ULK4: variants seen among roughly 807,000 people sequenced by gnomAD.
The protein encoded by ULK4 is inactive serine/threonine-protein kinase ULK4.
A neutral mutation model predicts 160.6 loss-of-function variants in ULK4; 133 were observed. The ratio of observed to expected loss-of-function variants is 0.83; its 90% CI spans 0.72 to 0.96. ULK4 has a LOEUF of 0.96. Among genes scored for constraint, ULK4 ranks in the 40% least tolerant of loss-of-function variants. The probability of loss-of-function intolerance (pLI) is 0.00; values close to 1 mark genes in which losing one functional copy is unlikely to be tolerated. For synonymous variants in ULK4, 534 were observed against 539.8 expected (o/e 0.99, Z 0.15); for missense variants, 1,580 against 1,499.5 (o/e 1.05, Z -0.89).
At chr3:41,779,888 T>C (rs2039763103) in intron 21 of ULK4, among the ~76,000 whole-genome samples, 2 of 86,704 alleles carry the variant, frequency 2.3e-5, no homozygotes, top group African/African-American at 4.9e-5. Context: ...TAATGCTAGA[T>C]GACACATTAG....
chr3:41,807,296 G>A (rs1334449763), intron 19 of ULK4, among the ~76,000 whole-genome samples: 1 of 152,072 alleles, frequency 6.6e-6, no homozygotes, highest in Non-Finnish European at 1.5e-5. Context: ...ATAATACTCT[G>A]TTAATGATGA....
rs1354576442 is a variant in ULK4, at chr3:41,514,872, T to C, written c.3226+51153A>G. On this transcript the variant is annotated intron_variant, in intron 32 of 36. Transcript: ENST00000301831. ...CTTAAAAGCCCTTACTTGACCACTA[T>C]ACAATCTATGCATGTTTACCCCCAA... 2.0e-5 allele frequency among the ~76,000 whole-genome samples: 3 copies of C among 152,138 alleles called. No individual in the cohort carries two copies. In the East Asian group the frequency reaches 5.8e-4, roughly 29 times the overall value.
intron 30 of ULK4, among the ~76,000 whole-genome samples, chr3:41,634,618 C>T (rs529224674): frequency 9.2e-5 from 14 of 152,286 alleles, no homozygotes; most frequent in Admixed American, 7.2e-4. Flanking sequence ...AGCAAGAAAG[C>T]GGGAGCCCAT....
intron 35 of ULK4, among the ~76,000 whole-genome samples, chr3:41,337,177 T>C (rs973927976): frequency 1.3e-5 from 2 of 152,354 alleles, no homozygotes; most frequent in African/African-American, 4.8e-5. Context: ...CAAATTATGA[T>C]GATTGCATTT....
rs190179857 is a variant in ULK4, at chr3:41,549,411, C to T, written c.3226+16614G>A. On this transcript the variant is annotated intron_variant, in intron 32 of 36. Transcript: ENST00000301831. The stretch of plus-strand genomic sequence containing the variant: ...TAAATGAATGGAATAAAAATTCAAT[C>T]AATAACTTCAATAATAGACCATATA... 5.4e-4 allele frequency among the ~76,000 whole-genome samples: 82 copies of T among 151,962 alleles called. 1 individual carries two copies. The East Asian group carries it at 8.7e-3, about 16-fold the overall frequency.
At chr3:41,872,827 T>C (rs1177016493) in intron 17 of ULK4, among the ~76,000 whole-genome samples, 2 of 151,960 alleles carry the variant, frequency 1.3e-5, no homozygotes, top group Admixed American at 6.6e-5. Flanking sequence ...TATGTAAGAC[T>C]TTTTTTCCCT....
intron 17 of ULK4, among the ~76,000 whole-genome samples, chr3:41,860,192 AT>A (rs1323401251): frequency 6.6e-6 from 1 of 152,224 alleles, no homozygotes; most frequent in East Asian, 1.9e-4. Context: ...GAGAAAAAGA[AT>A]GTGCATTCTG....
In ULK4 at chr3:41,738,333, GTTT is replaced by G. The variant is rs564247607; in HGVS notation, c.2321+16025_2321+16027del. On this transcript the variant is annotated intron_variant, in intron 22 of 36. Coordinates refer to ENST00000301831, the MANE Select transcript of ULK4 (RefSeq NM_017886.4). ...GTTGGGTGCTATTGACTTGGCAAAG[GTTT>G]TTTTTCTCCGTTTCAATTTAGAAGA... is the stretch of plus-strand genomic sequence containing the variant. Among the ~76,000 whole-genome samples the G allele has an allele frequency of 2.0e-5, 3 of 151,524 alleles. 1 individual carries two copies. Among genetic ancestry groups the G allele is most frequent in the African/African-American group, 7.3e-5 (3 of 41,036 alleles).
chr3:41,696,009 G>C (rs1448962095), intron 27 of ULK4, among the ~76,000 whole-genome samples: 1 of 152,228 alleles, frequency 6.6e-6, no homozygotes, highest in Non-Finnish European at 1.5e-5. Context: ...GGTAACGCCA[G>C]TGTCTGGGAA....
chr3:41,656,750 C>G (rs763070064), intron 30 of ULK4, among the ~76,000 whole-genome samples: 6 of 152,164 alleles, frequency 3.9e-5, no homozygotes, highest in Non-Finnish European at 7.3e-5. Flanking sequence ...TTTTATGAAT[C>G]TTGTCATAAA....
intron 32 of ULK4, among the ~76,000 whole-genome samples, chr3:41,546,128 T>C (rs2086852339): frequency 6.6e-6 from 1 of 152,202 alleles, no homozygotes; most frequent in Admixed American, 6.5e-5. Flanking sequence ...GGTCACATTC[T>C]TCAAATTCTT....
At chr3:41,452,181 T>G (rs890450093) in intron 34 of ULK4, among the ~76,000 whole-genome samples, 12 of 152,162 alleles carry the variant, frequency 7.9e-5, no homozygotes, top group Non-Finnish European at 1.3e-4. Flanking sequence ...TTCCTGGTTA[T>G]CTGCTCTTCA....
At chr3:41,700,317 C>T (rs1219509739) in intron 27 of ULK4, among the ~76,000 whole-genome samples, 1 of 152,058 alleles carries the variant, frequency 6.6e-6, no homozygotes, top group African/African-American at 2.4e-5. Flanking sequence ...TCAGTGGGAC[C>T]CCTGCACTCC....
At chr3:41,269,874 G>A (rs1301188551) in intron 35 of ULK4, among the ~76,000 whole-genome samples, 3 of 152,128 alleles carry the variant, frequency 2.0e-5, no homozygotes. Context: ...ACTCTTTGGG[G>A]ACTCATCTTT....
chr3:41,678,361 T>G (rs898940131), intron 29 of ULK4, among the ~76,000 whole-genome samples: 1 of 152,070 alleles, frequency 6.6e-6, no homozygotes, highest in Non-Finnish European at 1.5e-5. Context: ...TTAACAAGAT[T>G]AAATTATTGT....
intron 11 of ULK4, 84 bp downstream of exon 11, chr3:41,911,233 A>C (rs1698773406): frequency 7.5e-7 from 1 of 1,337,238 alleles, no homozygotes; most frequent in Non-Finnish European, 1.1e-6. Context: ...TCTCTGTGTA[A>C]CAAAGTTTGC....
At position 41,735,685 on chromosome 3, in the gene ULK4, A is replaced by G. The variant is rs193154821; in HGVS notation, c.2322-17824T>C. On this transcript the variant is annotated intron_variant, in intron 22 of 36. Transcript: ENST00000301831. ...CCTTGCTTCACTCCACTCTAAGTCC[A>G]TTTTATTATTATTATTATTATTATT... Among the ~76,000 whole-genome samples the G allele has an allele frequency of 8.7e-3, 768 of 87,808 alleles. 1 individual carries two copies. Among genetic ancestry groups the G allele is most frequent in the Non-Finnish European group, 0.014 (617 of 44,622 alleles). 57.6% of individuals were successfully genotyped at this position (87,808 alleles called of 152,430 possible). A position where few individuals can be genotyped will look rare whatever the true frequency, so the allele number is the denominator to read the frequency against.
At chr3:41,926,408 G>A (rs147300995) in intron 5 of ULK4, among the ~76,000 whole-genome samples, 342 of 152,200 alleles carry the variant, frequency 2.2e-3, no homozygotes, top group African/African-American at 8.0e-3. Flanking sequence ...GCACAAAAAC[G>A]CTGAAAATTC....
intron 17 of ULK4, among the ~76,000 whole-genome samples, chr3:41,876,729 A>G (rs1003695194): frequency 6.6e-6 from 1 of 152,234 alleles, no homozygotes; most frequent in African/African-American, 2.4e-5. Context: ...TTCCATAAAC[A>G]TAATATGAAA....
Sources: allele counts gnomAD v4.1 joint callset (sites outside exome capture counted in the v4.1 genomes callset), GRCh38; gene constraint gnomAD v4.1.1; transcripts MANE v1.5; gene names NCBI Gene and HGNC (gene_info 2026-07-23, HGNC 2026-07-21).